The following KCNE4 variants were observed in gnomAD, a reference collection of about 807,000 sequenced individuals.
KCNE4 encodes the protein potassium voltage-gated channel subfamily E regulatory subunit 4, also known as potassium voltage-gated channel subfamily E member 4.
In KCNE4, 6 loss-of-function variants were observed where a neutral mutation model predicts 9.2. That is an observed-to-expected ratio of 0.65 (90% confidence interval 0.36 to 1.29). KCNE4 has a LOEUF of 1.29. KCNE4 is among the 50% of genes most tolerant of loss of function. The pLI, the probability that KCNE4 is intolerant of heterozygous loss-of-function variation, is 0.03. For synonymous variants in KCNE4, 115 were observed against 103.2 expected (o/e 1.11, Z -0.70); for missense variants, 222 against 228.8 (o/e 0.97, Z 0.19).
chr2:223,053,160 G>A lies in KCNE4; in HGVS notation c.330G>A (p.Ala110=). ...LMLNMLQESV[A]PALSCTLCSM... ...TGAACATGCTGCAGGAGAGCGTGGC[G>A]CCCGCGCTGTCCTGCACCCTCTGTT... Residue 110 remains alanine, a synonymous_variant, in exon 2 of 2, where the codon GCG becomes GCA. Coordinates refer to ENST00000281830, the MANE Select transcript of KCNE4 (RefSeq NM_080671.4). The surrounding 1 kb of genome is among the most constrained non-coding windows in gnomAD (Gnocchi z 4.1). The A allele has an allele frequency of 6.2e-7, 1 of 1,611,240 alleles. No individual in the cohort carries two copies. Among genetic ancestry groups the A allele is most frequent in the East Asian group, 2.2e-5 (1 of 44,804 alleles).
rs1698724771 is a variant in KCNE4 at position 223,053,345 on chromosome 2, A to AC, written c.*7dup. The AC allele has an allele frequency of 1.2e-6, 2 of 1,611,730 alleles. No individual in the cohort carries two copies. The highest frequency in any genetic ancestry group is 4.5e-5 in the East Asian group (2 of 44,782). The stretch of plus-strand genomic sequence containing the variant: ...GAGAACATCCATCAGAATTCCTAGC[A>AC]CCCCCGGGACCCCTGCCGGTGGCTC... On this transcript the variant is annotated 3_prime_UTR_variant, in exon 2 of 2. Transcript: ENST00000281830. This position sits in a 1 kb window ranked among gnomAD's most constrained non-coding sequence, Gnocchi z 4.1.
rs149832297 is a variant in KCNE4 at position 223,053,230 on chromosome 2, G to A, written c.400G>A (p.Val134Met). 4 of 1,613,754 alleles carry A rather than the reference G, an allele frequency of 2.5e-6. No homozygotes were observed. The highest frequency in any genetic ancestry group is 1.6e-4 in the Middle Eastern group (1 of 6,082). The change falls in exon 2 of 2, where the codon GTG (valine) becomes ATG (methionine). Residue 134 changes from valine (V) to methionine (M), a missense_variant. Val to Met is a conservative substitution (Grantham distance 21, BLOSUM62 1). Coordinates refer to ENST00000281830, the MANE Select transcript of KCNE4 (RefSeq NM_080671.4). This position sits in a 1 kb window ranked among gnomAD's most constrained non-coding sequence, Gnocchi z 4.1. ...SVSSESSSPD[V>M]HLTIQEEGAD... ...GAGCTCCGAGTCCTCCTCCCCGGAC[G>A]TGCACCTCACCATTCAGGAGGAGGG... is the stretch of plus-strand genomic sequence containing the variant.
At position 223,055,286 on chromosome 2, in the gene KCNE4, AT is replaced by A. The variant is rs1249521370; in HGVS notation, c.*1946del. On this transcript the variant is annotated 3_prime_UTR_variant, in exon 2 of 2. Transcript: ENST00000281830. ...CCGCTTTGACATACAGCTAAAGGAA[AT>A]TTATGTTTGGGGGAAAAAGGCCCTC... 3 of 167,026 alleles carry A rather than the reference AT, an allele frequency of 1.8e-5. No individual in the cohort carries two copies. The highest frequency in any genetic ancestry group is 7.2e-5 in the African/African-American group (3 of 41,432). 10.3% of individuals were successfully genotyped at this position (167,026 alleles called of 1,614,324 possible). A position where few individuals can be genotyped will look rare whatever the true frequency, so the allele number is the denominator to read the frequency against.
rs1211408354 is a variant in KCNE4, at chr2:223,053,174, G to A, written c.344G>A (p.Cys115Tyr). Residue 115 changes from cysteine to tyrosine, a missense_variant, in exon 2 of 2, where the codon TGC (cysteine) becomes TAC (tyrosine). Cys to Tyr is a radical substitution (Grantham distance 194, BLOSUM62 -2). Transcript: ENST00000281830. This position sits in a 1 kb window ranked among gnomAD's most constrained non-coding sequence, Gnocchi z 4.1. ...LQESVAPALSCTLCSMEGDSV... is the reference protein window; with the variant it reads ...LQESVAPALSYTLCSMEGDSV... ...GAGAGCGTGGCGCCCGCGCTGTCCTGCACCCTCTGTTCCATGGAAGGGGAC... is the reference window on the plus strand; with the variant it reads ...GAGAGCGTGGCGCCCGCGCTGTCCTACACCCTCTGTTCCATGGAAGGGGAC... 6.8e-6 allele frequency: 11 copies of A among 1,611,326 alleles called. No individual in the cohort carries two copies.
In KCNE4 at chr2:223,052,911, C is replaced by T. The variant is rs3795886; in HGVS notation, c.81C>T (p.Gly27=). ...GCCCCCTGGAGTCCCGTGCGGCCGG[C>T]GGCGGCAGCGGCAATGGCAACGAGT... is the stretch of plus-strand genomic sequence containing the variant. ...SSSPLESRAA[G]GGSGNGNEYF... is the part of the protein sequence containing the mutation. Residue 27 remains glycine (G), a synonymous_variant, in exon 2 of 2, where the codon GGC becomes GGT. Transcript: ENST00000281830. The T allele has an allele frequency of 0.71, 1,145,054 of 1,613,866 alleles. 407,892 individuals are homozygous for T. Among genetic ancestry groups the T allele is most frequent in the South Asian group, 0.8 (73,018 of 91,086 alleles).
chr2:223,052,736 A>T (rs1386808859), intron 1 of KCNE4, 72 bp from the exon 2 acceptor site: 60 of 1,546,032 alleles, frequency 3.9e-5, no homozygotes, highest in Non-Finnish European at 4.9e-5. Context: ...GCAGTTCCAC[A>T]AACCTCGTGC....
In KCNE4 at chr2:223,052,789, C is replaced by T. The variant is rs538501610; in HGVS notation, c.-23-19C>T. On this transcript the variant is annotated intron_variant, in intron 1 of 1. Coordinates refer to ENST00000281830, the MANE Select transcript of KCNE4 (RefSeq NM_080671.4). ...CCCAGGACCTGGGGGAGAGTTCTAA[C>T]CTGCGGCTTTTTCCCCAGCCCCTGC... 5.8e-5 allele frequency: 93 copies of T among 1,603,072 alleles called. 1 individual carries two copies. In the South Asian group the frequency reaches 9.4e-4, roughly 16 times the overall value.
Position 223,053,018 on chromosome 2 carries a change from G to T in KCNE4, c.188G>T (p.Arg63Leu). 1 of 1,614,192 alleles carries T rather than the reference G, an allele frequency of 6.2e-7. No homozygotes were observed. Among genetic ancestry groups the T allele is most frequent in the Non-Finnish European group, 8.5e-7 (1 of 1,180,018 alleles). Reference protein sequence around the residue: ...IMLGYMKSKRREKKSSLLLLY... With the variant: ...IMLGYMKSKRLEKKSSLLLLY... ...CTGGGCTACATGAAATCCAAGAGGC[G>T]GGAGAAGAAGTCCAGCCTCCTGCTG... is the stretch of plus-strand genomic sequence containing the variant. Residue 63 changes from arginine (R) to leucine (L), a missense_variant, in exon 2 of 2, where the codon CGG becomes CTG. Physicochemically the swap from Arg to Leu is moderately radical, Grantham distance 102 (BLOSUM62 -2). Coordinates refer to ENST00000281830, the MANE Select transcript of KCNE4 (RefSeq NM_080671.4). The surrounding 1 kb of genome is among the most constrained non-coding windows in gnomAD (Gnocchi z 4.1).
rs1574611776 is a variant in KCNE4 at position 223,053,195 on chromosome 2, G to C, written c.365G>C (p.Gly122Ala). ...TCCTGCACCCTCTGTTCCATGGAAG[G>C]GGACAGCGTGAGCTCCGAGTCCTCC... ...ALSCTLCSME[G>A]DSVSSESSSP... Residue 122 changes from glycine to alanine, a missense_variant, in exon 2 of 2, where the codon GGG becomes GCG. Transcript: ENST00000281830. The surrounding 1 kb of genome is among the most constrained non-coding windows in gnomAD (Gnocchi z 4.1). 1 of 1,612,152 alleles carries C rather than the reference G, an allele frequency of 6.2e-7. No homozygotes were observed. Among genetic ancestry groups the C allele is most frequent in the South Asian group, 1.1e-5 (1 of 91,038 alleles).
Position 223,053,149 on chromosome 2 carries a change from G to C in KCNE4, c.319G>C (p.Glu107Gln). The C allele has an allele frequency of 1.9e-6, 3 of 1,612,174 alleles. No individual in the cohort carries two copies. Among genetic ancestry groups the C allele is most frequent in the African/African-American group, 1.3e-5 (1 of 74,980 alleles). ...GCCCCTGATGCTGAACATGCTGCAG[G>C]AGAGCGTGGCGCCCGCGCTGTCCTG... ...QVPLMLNMLQ[E>Q]SVAPALSCTL... is the part of the protein sequence containing the mutation. Residue 107 changes from glutamate (E) to glutamine (Q), a missense_variant, in exon 2 of 2, where the codon GAG becomes CAG. Glu to Gln is a conservative substitution (Grantham distance 29). Transcript: ENST00000281830. This position sits in a 1 kb window ranked among gnomAD's most constrained non-coding sequence, Gnocchi z 4.1.
chr2:223,052,723 A>G, intron 1 of KCNE4, 85 bp from the exon 2 acceptor site: 1 of 1,445,608 alleles, frequency 6.9e-7, no homozygotes, highest in Admixed American at 2.0e-5. Context: ...CTTTTTTGGT[A>G]TTGCAGTTCC....
rs1395648217 is a variant in KCNE4 at position 223,053,178 on chromosome 2, C to A, written c.348C>A (p.Thr116=). 6.2e-7 allele frequency: 1 copy of A among 1,611,310 alleles called. No individual in the cohort carries two copies. The highest frequency in any genetic ancestry group is 8.5e-7 in the Non-Finnish European group (1 of 1,178,190). Residue 116 remains threonine (T), a synonymous_variant, in exon 2 of 2, where the codon ACC becomes ACA. Transcript: ENST00000281830. This position sits in a 1 kb window ranked among gnomAD's most constrained non-coding sequence, Gnocchi z 4.1. ...QESVAPALSC[T]LCSMEGDSVS... ...GCGTGGCGCCCGCGCTGTCCTGCACCCTCTGTTCCATGGAAGGGGACAGCG... is the reference window on the plus strand; with the variant it reads ...GCGTGGCGCCCGCGCTGTCCTGCACACTCTGTTCCATGGAAGGGGACAGCG...
chr2:223,052,767 A>G (rs752181459), intron 1 of KCNE4, 41 bp from the exon 2 acceptor site: 2 of 1,595,318 alleles, frequency 1.3e-6, no homozygotes, highest in Non-Finnish European at 1.7e-6. Flanking sequence ...CCCTGTGCCC[A>G]GGACCTGGGG....
At position 223,053,063 on chromosome 2, in the gene KCNE4, G is replaced by T. The variant is rs769218724; in HGVS notation, c.233G>T (p.Arg78Leu). 1 of 1,614,014 alleles carries T rather than the reference G, an allele frequency of 6.2e-7. No homozygotes were observed. Among genetic ancestry groups the T allele is most frequent in the Non-Finnish European group, 8.5e-7 (1 of 1,179,992 alleles). The change falls in exon 2 of 2, where the codon CGG becomes CTG. Residue 78 changes from arginine (R) to leucine (L), a missense_variant. Coordinates refer to ENST00000281830, the MANE Select transcript of KCNE4 (RefSeq NM_080671.4). This position sits in a 1 kb window ranked among gnomAD's most constrained non-coding sequence, Gnocchi z 4.1. Reference protein sequence around the residue: ...SLLLLYKDEERLWGEAMKPLP... With the variant: ...SLLLLYKDEELLWGEAMKPLP... ...CTGCTGCTGTACAAAGACGAGGAGC[G>T]GCTCTGGGGGGAGGCCATGAAGCCG...
rs1028511869 is a variant in KCNE4 at position 223,054,639 on chromosome 2, A to G, written c.*1296A>G. 6.0e-6 allele frequency: 1 copy of G among 167,132 alleles called. No individual in the cohort carries two copies. The highest frequency in any genetic ancestry group is 3.4e-3 in the Middle Eastern group (1 of 296). 10.4% of individuals were successfully genotyped at this position (167,132 alleles called of 1,614,324 possible). A position where few individuals can be genotyped will look rare whatever the true frequency, so the allele number is the denominator to read the frequency against. ...ACTGAAGGAAAGAGGCAGACACCAC[A>G]TTCTCCTCTGCAAAGTTCTCTGGAG... On this transcript the variant is annotated 3_prime_UTR_variant, in exon 2 of 2. Coordinates refer to ENST00000281830, the MANE Select transcript of KCNE4 (RefSeq NM_080671.4).
chr2:223,052,304 A>G (rs1698705696), intron 1 of KCNE4, 30 bp downstream of exon 1: 1 of 1,236,956 alleles, frequency 8.1e-7, no homozygotes, highest in Admixed American at 4.1e-5. Flanking sequence ...CTTTGCTTTC[A>G]GAAACATTTG....
intron 1 of KCNE4, 126 bp downstream of exon 1, chr2:223,052,400 T>C (rs1698706516): frequency 6.4e-6 from 5 of 783,356 alleles, no homozygotes; most frequent in Non-Finnish European, 8.6e-6. Flanking sequence ...AAACATTGTT[T>C]TGAATTTAAA....
chr2:223,054,008 C>T lies in KCNE4; in HGVS notation c.*665C>T, dbSNP rs911783054. ...CTTTTGTCTAACTTATGACCTTGAA[C>T]TCTGACCTGTGACCATGCAGCATCA... On this transcript the variant is annotated 3_prime_UTR_variant, in exon 2 of 2. Coordinates refer to ENST00000281830, the MANE Select transcript of KCNE4 (RefSeq NM_080671.4). 6.0e-6 allele frequency: 1 copy of T among 167,712 alleles called. No individual in the cohort carries two copies. Among genetic ancestry groups the T allele is most frequent in the African/African-American group, 2.4e-5 (1 of 41,442 alleles). 10.4% of individuals were successfully genotyped at this position (167,712 alleles called of 1,614,324 possible).
chr2:223,052,487 A>G (rs908107568), intron 1 of KCNE4, among the ~76,000 whole-genome samples: 2 of 145,412 alleles, frequency 1.4e-5, no homozygotes, highest in Non-Finnish European at 3.0e-5. Flanking sequence ...TAAAGATACT[A>G]TTTACTGTAT....
Sources: gnomAD v4.1 joint callset for allele counts (sites outside exome capture counted in the v4.1 genomes callset) on GRCh38, gnomAD v4.1.1 for gene constraint, Gnocchi (gnomAD v3.1) non-coding constraint, MANE v1.5 for transcripts, NCBI Gene and HGNC (gene_info 2026-07-23, HGNC 2026-07-21) for gene names.